Variants in MAGI2 observed in about 807,000 individuals in gnomAD.
MAGI2 encodes membrane associated guanylate kinase, WW and PDZ domain containing 2.
MAGI2 carries 35 observed loss-of-function variants against 133.3 expected under a neutral mutation model. The observed-to-expected ratio is 0.26, with a 90% CI of 0.20 to 0.35. MAGI2 has a LOEUF of 0.35. Ranked by LOEUF, MAGI2 falls within the 10% of genes least tolerant of loss-of-function variation. The pLI is 1.00. For missense variants in MAGI2, 1,636 were observed against 1,863.4 expected, an observed-to-expected ratio of 0.88 and a Z score of 2.25; for synonymous variants, 729 against 710.6, an observed-to-expected ratio of 1.03 and a Z score of -0.41.
intron 1 of MAGI2, among the ~76,000 whole-genome samples, chr7:79,137,331 G>C (rs958099092): frequency 2.6e-5 from 4 of 151,940 alleles, no homozygotes; most frequent in African/African-American, 9.7e-5. Context: ...CTCTCTAATG[G>C]CCATTCTGAG....
intron 6 of MAGI2, among the ~76,000 whole-genome samples, chr7:78,443,672 C>T (rs754402927): frequency 1.3e-5 from 2 of 152,060 alleles, no homozygotes; most frequent in Admixed American, 1.3e-4. Flanking sequence ...GACCTGTATA[C>T]ATCCATCATA....
intron 7 of MAGI2, among the ~76,000 whole-genome samples, chr7:78,361,737 G>C (rs1480104368): frequency 6.6e-6 from 1 of 152,192 alleles, no homozygotes; most frequent in Non-Finnish European, 1.5e-5. Flanking sequence ...TTGTTGATAA[G>C]ATGTAAGAGT....
At chr7:79,143,010 T>G (rs75069888) in intron 1 of MAGI2, among the ~76,000 whole-genome samples, 3,710 of 152,320 alleles carry the variant, frequency 0.024, 145 homozygotes, top group African/African-American at 0.085. Context: ...CCATGTCTTC[T>G]TTTATAAAAG....
chr7:79,319,534 C>A (rs1004016408), intron 1 of MAGI2, among the ~76,000 whole-genome samples: 1 of 152,034 alleles, frequency 6.6e-6, no homozygotes. Flanking sequence ...AAGGGAGTAG[C>A]GAGCACAGCC....
intron 1 of MAGI2, among the ~76,000 whole-genome samples, chr7:79,103,904 C>T (rs4389855): frequency 0.77 from 117,073 of 151,676 alleles, 46,071 homozygotes; most frequent in Non-Finnish European, 0.85. Context: ...GGTTTCACCA[C>T]GTTAGCCAGG....
At chr7:78,650,873 G>A (rs1811488244) in intron 2 of MAGI2, among the ~76,000 whole-genome samples, 1 of 152,132 alleles carries the variant, frequency 6.6e-6, no homozygotes, top group Non-Finnish European at 1.5e-5. Flanking sequence ...ACAACAGCAT[G>A]CAATAGTCAC....
intron 2 of MAGI2, among the ~76,000 whole-genome samples, chr7:78,840,250 T>C (rs1792012788): frequency 6.6e-6 from 1 of 152,092 alleles, no homozygotes. Flanking sequence ...TACATATTTG[T>C]GCTGTTTTGG....
At chr7:78,297,946 T>A (rs1157898358) in intron 9 of MAGI2, among the ~76,000 whole-genome samples, 2 of 147,534 alleles carry the variant, frequency 1.4e-5, no homozygotes, top group African/African-American at 2.6e-5. Flanking sequence ...GTAACTAACC[T>A]GCACAATGTG....
intron 1 of MAGI2, among the ~76,000 whole-genome samples, chr7:79,136,276 A>T (rs1821565040): frequency 6.6e-6 from 1 of 152,168 alleles, no homozygotes; most frequent in Non-Finnish European, 1.5e-5. Context: ...TTTCAGTCAG[A>T]TGTCTACTTA....
At chr7:78,339,918 A>G (rs893033131) in intron 9 of MAGI2, among the ~76,000 whole-genome samples, 7 of 152,258 alleles carry the variant, frequency 4.6e-5, no homozygotes, top group Non-Finnish European at 1.0e-4. Flanking sequence ...AGTGACAAAT[A>G]TAAGGGCACC....
chr7:79,125,823 C>T (rs1275431048), intron 1 of MAGI2: 1 of 500,108 alleles, frequency 2.0e-6, no homozygotes, highest in Non-Finnish European at 4.0e-6. Context: ...GTTTTAATTC[C>T]TGCCAGGAAA....
At chr7:78,655,464 A>C (rs200817982) in intron 2 of MAGI2, among the ~76,000 whole-genome samples, 14 of 147,118 alleles carry the variant, frequency 9.5e-5, no homozygotes, top group East Asian at 4.2e-4. Context: ...CAAAAAAAAA[A>C]AAAAAAAAAA....
At chr7:78,125,893 C>A (rs1820928911) in intron 19 of MAGI2, 56 bp from the exon 20 acceptor site, 1 of 1,541,332 alleles carries the variant, frequency 6.5e-7, no homozygotes, top group Non-Finnish European at 8.9e-7. Flanking sequence ...AGAGAAGCTT[C>A]TGTGGCTAGT....
intron 1 of MAGI2, among the ~76,000 whole-genome samples, chr7:79,234,322 C>T (rs1249041803): frequency 1.3e-5 from 2 of 150,880 alleles, no homozygotes; most frequent in Non-Finnish European, 2.9e-5. Context: ...TCTGTATTTC[C>T]TGAATCTGAA....
chr7:78,670,750 C>G (rs1261422382), intron 2 of MAGI2, among the ~76,000 whole-genome samples: 1 of 151,982 alleles, frequency 6.6e-6, no homozygotes, highest in African/African-American at 2.4e-5. Flanking sequence ...CAGAACAGAG[C>G]CCTCAGAAAG....
intron 6 of MAGI2, among the ~76,000 whole-genome samples, chr7:78,475,867 A>C (rs10485898): frequency 0.33 from 50,520 of 151,536 alleles, 10,150 homozygotes; most frequent in East Asian, 0.56. Flanking sequence ...CCCATCTTTA[A>C]AATTCTGCTC....
chr7:78,800,539 C>G (rs1396413374), intron 2 of MAGI2, among the ~76,000 whole-genome samples: 1 of 152,126 alleles, frequency 6.6e-6, no homozygotes, highest in Admixed American at 6.6e-5. Context: ...CTAGCAATGT[C>G]TCATAGATAT....
chr7:78,243,756 A>C (rs798349), intron 10 of MAGI2, among the ~76,000 whole-genome samples: 107,615 of 151,878 alleles, frequency 0.71, 39,193 homozygotes, highest in African/African-American at 0.88. Flanking sequence ...GGGTCAACTG[A>C]AATTAACAGG....
chr7:78,126,442 C>A (rs1214881556), intron 19 of MAGI2, among the ~76,000 whole-genome samples: 2 of 152,142 alleles, frequency 1.3e-5, no homozygotes, highest in Admixed American at 1.3e-4. Flanking sequence ...ACAATGTAAT[C>A]TGATAGAGTT....
Sources: gnomAD v4.1 joint callset for allele counts (sites outside exome capture counted in the v4.1 genomes callset) on GRCh38, gnomAD v4.1.1 for gene constraint, MANE v1.5 for transcripts, NCBI Gene and HGNC (gene_info 2026-07-23, HGNC 2026-07-21) for gene names.